The following TRPM1 variants were observed in gnomAD, a reference collection of about 807,000 sequenced individuals.
The protein encoded by TRPM1 is transient receptor potential cation channel subfamily M member 1.
In TRPM1, 113 loss-of-function variants were observed where a neutral mutation model predicts 149.4. The ratio of observed to expected loss-of-function variants is 0.76; its 90% CI spans 0.65 to 0.88. TRPM1 has a LOEUF of 0.88. Among genes scored for constraint, TRPM1 ranks in the 40% least tolerant of loss-of-function variants. The pLI, the probability that TRPM1 is intolerant of heterozygous loss-of-function variation, is 0.00. For synonymous variants in TRPM1, 741 were observed against 759.5 expected (o/e 0.98, Z 0.40); for missense variants, 1,976 against 2,038.7 (o/e 0.97, Z 0.59).
chr15:31,113,455 A>C (rs545634102), intron 1 of TRPM1, among the ~76,000 whole-genome samples: 1 of 151,424 alleles, frequency 6.6e-6, no homozygotes, highest in African/African-American at 2.4e-5. Context: ...CAAAATCTCT[A>C]AGGTATAGAG....
chr15:31,125,427 T>G (rs539809013), intron 1 of TRPM1, among the ~76,000 whole-genome samples: 12 of 152,146 alleles, frequency 7.9e-5, no homozygotes, highest in Admixed American at 7.9e-4. Flanking sequence ...AAAGAAATTC[T>G]AGCCATTAAA....
intron 1 of TRPM1, among the ~76,000 whole-genome samples, chr15:31,098,158 G>A (rs534737293): frequency 3.9e-5 from 6 of 152,292 alleles, no homozygotes; most frequent in East Asian, 1.9e-4. Flanking sequence ...ACATCAGGCC[G>A]GGCGTGGTGG....
At chr15:31,129,595 T>C (rs1290586582) in intron 1 of TRPM1, among the ~76,000 whole-genome samples, 1 of 152,246 alleles carries the variant, frequency 6.6e-6, no homozygotes, top group Non-Finnish European at 1.5e-5. Flanking sequence ...TGGTTCAACA[T>C]AATACCATTG....
At position 31,019,495 on chromosome 15, in the gene TRPM1, G is replaced by A. The variant is rs754619067; in HGVS notation, c.3629+6644C>T. Among the ~76,000 whole-genome samples, 5 of 152,228 alleles carry A rather than the reference G, an allele frequency of 3.3e-5. No homozygotes were observed. The East Asian group carries it at 5.8e-4, about 18-fold the overall frequency. ...CGGCTCAGTGCAACCTTCGCCTCTC[G>A]GGTTCAAGAGATTCTCCTGCCTCAG... On this transcript the variant is annotated intron_variant, in intron 27 of 27. Transcript: ENST00000256552.
chr15:31,134,911 G>A (rs911600182), intron 1 of TRPM1, among the ~76,000 whole-genome samples: 8 of 152,168 alleles, frequency 5.3e-5, no homozygotes, highest in Admixed American at 2.6e-4. Context: ...GCTGAGGCAG[G>A]AGAATCACTT....
chr15:31,038,266 ACC>A, intron 18 of TRPM1, 100 bp from the exon 19 acceptor site: 1 of 1,352,336 alleles, frequency 7.4e-7, no homozygotes, highest in Non-Finnish European at 1.0e-6. Flanking sequence ...TTATTCAATA[ACC>A]TAGGAGCCCT....
upstream of TRPM1, among the ~76,000 whole-genome samples, chr15:31,103,922 C>T (rs993963583): frequency 2.0e-5 from 3 of 151,740 alleles, no homozygotes; most frequent in Admixed American, 6.6e-5. Flanking sequence ...TTCTGTTGGG[C>T]GGTGTTGAGC....
chr15:31,100,582 G>A (rs1035969205), intron 1 of TRPM1, among the ~76,000 whole-genome samples: 2 of 152,056 alleles, frequency 1.3e-5, no homozygotes, highest in African/African-American at 4.8e-5. Context: ...AATGATTAAA[G>A]AAGACAAAAA....
At chr15:31,046,514 G>A (rs1207296269) in intron 15 of TRPM1, among the ~76,000 whole-genome samples, 1 of 152,196 alleles carries the variant, frequency 6.6e-6, no homozygotes, top group African/African-American at 2.4e-5. Context: ...CTGTGGGGCT[G>A]TAAGGTGGGT....
chr15:31,027,180 G>T, intron 25 of TRPM1, 63 bp from the exon 26 acceptor site: 1 of 1,507,860 alleles, frequency 6.6e-7, no homozygotes. Context: ...TCCCAGAGCA[G>T]TCAAAGTTAC....
At position 31,062,640 on chromosome 15, in the gene TRPM1, T is replaced by C. The variant is rs1346543235; in HGVS notation, c.1028A>G (p.Asn343Ser). 2 of 1,614,008 alleles carry C rather than the reference T, an allele frequency of 1.2e-6. No individual in the cohort carries two copies. Among genetic ancestry groups the C allele is most frequent in the East Asian group, 2.2e-5 (1 of 44,900 alleles). ...LVTIQKTFNY[N>S]KAQSHQLFAI... ...AAACAGCTGATGTGATTGTGCCTTA[T>C]TATAATTAAATGTTTTCTGAATGGT... Residue 343 changes from asparagine to serine, a missense_variant, in exon 9 of 28, where the codon AAT becomes AGT. Coordinates refer to ENST00000256552, the MANE Select transcript of TRPM1 (RefSeq NM_001252024.2).
chr15:31,065,787 G>A (rs771298208), intron 7 of TRPM1, among the ~76,000 whole-genome samples: 7 of 152,190 alleles, frequency 4.6e-5, no homozygotes, highest in Non-Finnish European at 7.3e-5. Flanking sequence ...ACTAATTACA[G>A]GGAACAAGAA....
intron 22 of TRPM1, 30 bp from the exon 23 acceptor site, chr15:31,031,187 G>A: frequency 6.2e-7 from 1 of 1,613,898 alleles, no homozygotes; most frequent in South Asian, 1.1e-5. Context: ...GTCTCTCACT[G>A]TCTTGGCTTG....
intron 11 of TRPM1, among the ~76,000 whole-genome samples, chr15:31,052,977 A>G (rs2033985936): frequency 6.6e-6 from 1 of 152,218 alleles, no homozygotes; most frequent in African/African-American, 2.4e-5. Context: ...AACAGAGTAA[A>G]GGTAGCCACA....
chr15:31,017,674 C>T (rs2032413636), intron 27 of TRPM1, among the ~76,000 whole-genome samples: 1 of 152,184 alleles, frequency 6.6e-6, no homozygotes, highest in African/African-American at 2.4e-5. Flanking sequence ...CAAATCTTCT[C>T]TATATTGGGG....
At chr15:31,013,212 T>A (rs1041916882) in intron 27 of TRPM1, among the ~76,000 whole-genome samples, 1 of 152,102 alleles carries the variant, frequency 6.6e-6, no homozygotes, top group Non-Finnish European at 1.5e-5. Flanking sequence ...TGTCTTGCTC[T>A]GTTGCCCAGG....
chr15:31,133,409 A>G (rs200962750), intron 1 of TRPM1, among the ~76,000 whole-genome samples: 6 of 111,420 alleles, frequency 5.4e-5, no homozygotes, highest in African/African-American at 1.7e-4. Context: ...CTCTACCAAA[A>G]GTAAAAAAAA....
At chr15:31,020,267 T>C (rs2140890200) in intron 27 of TRPM1, among the ~76,000 whole-genome samples, 1 of 152,342 alleles carries the variant, frequency 6.6e-6, no homozygotes. Flanking sequence ...ACCCCCAACC[T>C]ATTGCTACCA....
At chr15:31,088,210 A>C (rs1250330356) in intron 1 of TRPM1, among the ~76,000 whole-genome samples, 1 of 152,094 alleles carries the variant, frequency 6.6e-6, no homozygotes, top group Non-Finnish European at 1.5e-5. Flanking sequence ...ACCAATCAGC[A>C]CTCTTTAAAA....
Sources: gnomAD v4.1 joint callset for allele counts (sites outside exome capture counted in the v4.1 genomes callset) on GRCh38, gnomAD v4.1.1 for gene constraint, MANE v1.5 for transcripts, NCBI Gene and HGNC (gene_info 2026-07-23, HGNC 2026-07-21) for gene names.